ELL: variants seen among roughly 807,000 people sequenced by gnomAD.
ELL encodes RNA polymerase II elongation factor ELL.
ELL carries 18 observed loss-of-function variants against 64.0 expected under a neutral mutation model. The ratio of observed to expected loss-of-function variants is 0.28; its 90% CI spans 0.19 to 0.42. The LOEUF (loss-of-function observed/expected upper bound fraction) is 0.42. Ranked by LOEUF, ELL falls within the 10% of genes least tolerant of loss-of-function variation. The pLI is 1.00. For synonymous variants in ELL, 399 were observed against 376.2 expected, an observed-to-expected ratio of 1.06 and a Z score of -0.70; for missense variants, 797 against 870.4, an observed-to-expected ratio of 0.92 and a Z score of 1.06.
intron 1 of ELL, among the ~76,000 whole-genome samples, chr19:18,506,938 G>A (rs1350034911): frequency 3.3e-5 from 5 of 152,170 alleles, no homozygotes; most frequent in Admixed American, 1.3e-4. Flanking sequence ...TATCTACAAG[G>A]AGCTGGCCTA....
chr19:18,455,785 AG>A (rs896847763), intron 6 of ELL, among the ~76,000 whole-genome samples: 5 of 151,544 alleles, frequency 3.3e-5, no homozygotes, highest in Admixed American at 1.3e-4. Context: ...GTCTCCTAAA[AG>A]GAGAATAAAA....
chr19:18,450,074 G>GCCCCCACTGTCTTCCCTGAA (rs1228591703), intron 8 of ELL, among the ~76,000 whole-genome samples: 2 of 152,250 alleles, frequency 1.3e-5, no homozygotes, highest in African/African-American at 4.8e-5. Context: ...GCTTGCCTGG[G>GCCCCCACTGTCTTCCCTGAA]CCCCCACTGT....
At chr19:18,503,437 C>G (rs541217026) in intron 1 of ELL, among the ~76,000 whole-genome samples, 1 of 152,298 alleles carries the variant, frequency 6.6e-6, no homozygotes, top group Admixed American at 6.5e-5. Flanking sequence ...AGGAACTGAG[C>G]TGCCCGTACT....
intron 1 of ELL, 42 bp downstream of exon 1, chr19:18,521,879 C>G: frequency 1.9e-6 from 3 of 1,540,366 alleles, no homozygotes; most frequent in Non-Finnish European, 1.8e-6. Flanking sequence ...CGGCCCGCGT[C>G]CGGACGTTCC....
chr19:18,465,655 C>T, intron 3 of ELL, 80 bp from the exon 4 acceptor site: 12 of 1,482,594 alleles, frequency 8.1e-6, no homozygotes, highest in Non-Finnish European at 1.1e-5. Context: ...GCCCCCAGCC[C>T]ACCACCTGGC....
intron 1 of ELL, among the ~76,000 whole-genome samples, chr19:18,484,922 C>T (rs895576005): frequency 2.0e-5 from 3 of 152,230 alleles, no homozygotes; most frequent in Non-Finnish European, 4.4e-5. Context: ...CAACAGTGAC[C>T]ATGATCTGAT....
chr19:18,503,908 T>C (rs1277396460), intron 1 of ELL, among the ~76,000 whole-genome samples: 1 of 152,144 alleles, frequency 6.6e-6, no homozygotes, highest in Non-Finnish European at 1.5e-5. Flanking sequence ...GGCTGCTGCC[T>C]GGCCAAGGTT....
chr19:18,468,379 T>C (rs1219553850), intron 2 of ELL, among the ~76,000 whole-genome samples: 2 of 152,200 alleles, frequency 1.3e-5, no homozygotes, highest in East Asian at 1.9e-4. Flanking sequence ...GAGGTGTTTT[T>C]TCACCCAACA....
intron 10 of ELL, 194 bp downstream of exon 10, chr19:18,446,115 G>T: frequency 1.5e-6 from 1 of 678,610 alleles, no homozygotes; most frequent in Non-Finnish European, 2.4e-6. Flanking sequence ...CTGCCTTCAA[G>T]GACTCCCACA....
At chr19:18,519,623 A>G (rs1004475946) in intron 1 of ELL, among the ~76,000 whole-genome samples, 2 of 152,166 alleles carry the variant, frequency 1.3e-5, no homozygotes, top group African/African-American at 4.8e-5. Flanking sequence ...CCTGGCCAAC[A>G]TGGCAAAACC....
At chr19:18,506,911 A>C (rs1018537520) in intron 1 of ELL, among the ~76,000 whole-genome samples, 1 of 152,094 alleles carries the variant, frequency 6.6e-6, no homozygotes, top group African/African-American at 2.4e-5. Context: ...AATCCTTCTC[A>C]ACACGGCTCC....
At chr19:18,492,474 C>A (rs1397473845) in intron 1 of ELL, among the ~76,000 whole-genome samples, 4 of 152,306 alleles carry the variant, frequency 2.6e-5, no homozygotes, top group South Asian at 4.1e-4. Flanking sequence ...GTGCCTCTGA[C>A]GTGCTGTTAG....
chr19:18,479,986 C>T (rs1975263628), intron 1 of ELL, among the ~76,000 whole-genome samples: 1 of 152,180 alleles, frequency 6.6e-6, no homozygotes, highest in African/African-American at 2.4e-5. Flanking sequence ...GTTCTCCCTG[C>T]TGTCTACTGG....
chr19:18,475,861 T>G (rs1207521909), intron 1 of ELL: 1 of 152,202 alleles, frequency 6.6e-6, no homozygotes, highest in African/African-American at 2.4e-5. Flanking sequence ...CCAACTGCCC[T>G]TGAGCTCACA....
intron 8 of ELL, among the ~76,000 whole-genome samples, chr19:18,447,287 C>G (rs1351170017): frequency 1.3e-5 from 2 of 152,248 alleles, no homozygotes; most frequent in African/African-American, 2.4e-5. Context: ...AGTCTCTGGC[C>G]AGACAGGACA....
chr19:18,471,129 T>C (rs1975056812), intron 2 of ELL: 2 of 384,910 alleles, frequency 5.2e-6, no homozygotes, highest in Non-Finnish European at 1.0e-5. Flanking sequence ...TTCTAGCACT[T>C]TGGGAGGCCA....
At chr19:18,503,109 T>G (rs1162985431) in intron 1 of ELL, among the ~76,000 whole-genome samples, 1 of 152,234 alleles carries the variant, frequency 6.6e-6, no homozygotes, top group East Asian at 1.9e-4. Flanking sequence ...AACAGGAACC[T>G]GGCTTAAAAA....
chr19:18,496,457 T>C (rs1371946508), intron 1 of ELL, among the ~76,000 whole-genome samples: 2 of 152,036 alleles, frequency 1.3e-5, no homozygotes, highest in Admixed American at 1.3e-4. Context: ...CTTCCTCTAC[T>C]TCCTGTGGTA....
chr19:18,482,805 G>C (rs1268815736), intron 1 of ELL, among the ~76,000 whole-genome samples: 1 of 151,886 alleles, frequency 6.6e-6, no homozygotes, highest in Non-Finnish European at 1.5e-5. Flanking sequence ...TGCTGCTGTT[G>C]TTTTGAGACA....
Sources: gnomAD v4.1 joint callset for allele counts (sites outside exome capture counted in the v4.1 genomes callset) on GRCh38, gnomAD v4.1.1 for gene constraint, MANE v1.5 for transcripts, NCBI Gene and HGNC (gene_info 2026-07-23, HGNC 2026-07-21) for gene names.